RBFOX2: variants seen among roughly 807,000 people sequenced by gnomAD.
The protein encoded by RBFOX2 is RNA binding fox-1 homolog 2.
Under a neutral mutation model 49.1 loss-of-function variants are expected in RBFOX2, and 10 were observed. The observed-to-expected ratio is 0.20, with a 90% CI of 0.13 to 0.35. The LOEUF is 0.35. Ranked by LOEUF, RBFOX2 falls within the 10% of genes least tolerant of loss-of-function variation. RBFOX2 has a pLI of 1.00. For missense variants in RBFOX2, 323 were observed against 486.9 expected (o/e 0.66, Z 3.17); for synonymous variants, 183 against 187.4 (o/e 0.98, Z 0.19).
At chr22:35,987,765 G>T (rs1387110216) in intron 1 of RBFOX2, among the ~76,000 whole-genome samples, 1 of 152,132 alleles carries the variant, frequency 6.6e-6, no homozygotes, top group East Asian at 1.9e-4. Context: ...GGATCTAAGG[G>T]TTCATAAGGC....
At chr22:35,801,278 ATTGTTT>A (rs1329623177) in intron 2 of RBFOX2, among the ~76,000 whole-genome samples, 2 of 152,188 alleles carry the variant, frequency 1.3e-5, no homozygotes, top group Non-Finnish European at 2.9e-5. Flanking sequence ...TTACTAGACC[ATTGTTT>A]TTAATTGATG....
chr22:35,942,405 C>T (rs926283981), upstream of RBFOX2, among the ~76,000 whole-genome samples: 3 of 152,034 alleles, frequency 2.0e-5, no homozygotes, highest in Admixed American at 2.0e-4. Flanking sequence ...AACTTCACAT[C>T]TCTATCTAGA....
chr22:35,747,255 C>T (rs992244554), intron 9 of RBFOX2: 18 of 152,240 alleles, frequency 1.2e-4, no homozygotes, highest in African/African-American at 4.3e-4. Context: ...AGTTTGCCAA[C>T]TCAGATCTAC....
chr22:35,816,560 G>T (rs1303471491), intron 1 of RBFOX2, among the ~76,000 whole-genome samples: 1 of 152,166 alleles, frequency 6.6e-6, no homozygotes, highest in African/African-American at 2.4e-5. Flanking sequence ...ATGTGATGTT[G>T]AGAGGAAAAA....
At chr22:36,006,347 T>C (rs568921380) in intron 1 of RBFOX2, among the ~76,000 whole-genome samples, 3 of 152,284 alleles carry the variant, frequency 2.0e-5, no homozygotes, top group South Asian at 2.1e-4. Context: ...TGGTTCCAAA[T>C]AGAGGGAAAG....
intron 9 of RBFOX2, among the ~76,000 whole-genome samples, chr22:35,751,803 A>G (rs941068020): frequency 1.1e-4 from 17 of 152,324 alleles, no homozygotes; most frequent in African/African-American, 3.4e-4. Context: ...AATTGCTATG[A>G]TCAACCTGAT....
intron 1 of RBFOX2, among the ~76,000 whole-genome samples, chr22:35,984,634 T>C (rs947700502): frequency 3.9e-5 from 6 of 152,122 alleles, no homozygotes; most frequent in African/African-American, 1.4e-4. Flanking sequence ...CACATTTAGT[T>C]TCTCAATTTT....
At chr22:35,974,470 C>G (rs192045774) in intron 1 of RBFOX2, among the ~76,000 whole-genome samples, 1 of 152,198 alleles carries the variant, frequency 6.6e-6, no homozygotes, top group East Asian at 1.9e-4. Flanking sequence ...GGGCAGATCA[C>G]GAGGTCAGGA....
chr22:35,910,696 C>G (rs1162618016), intron 1 of RBFOX2, among the ~76,000 whole-genome samples: 1 of 152,176 alleles, frequency 6.6e-6, no homozygotes. Context: ...GTAATGCCAA[C>G]TTATGTGTCT....
Position 35,814,235 on chromosome 22 carries a change from C to T in RBFOX2, c.28-4231G>A, listed in dbSNP as rs182200999. On this transcript the variant is annotated intron_variant, in intron 1 of 11. Coordinates refer to ENST00000405409, the Ensembl canonical transcript of RBFOX2. ...TTGGTTCCAGGAACCTCCCAGCCCC[C>T]GCCCACCACAGATGCCAAAATCCTT... 2.0e-5 allele frequency among the ~76,000 whole-genome samples: 3 copies of T among 152,170 alleles called. No homozygotes were observed. The East Asian group carries it at 5.8e-4, about 29-fold the overall frequency.
chr22:36,012,081 GA>G (rs893524256), intron 1 of RBFOX2, among the ~76,000 whole-genome samples: 12 of 152,130 alleles, frequency 7.9e-5, no homozygotes, highest in Admixed American at 2.0e-4. Context: ...ACTTTGAGAT[GA>G]AAAAAAGCCA....
At chr22:35,852,165 T>C (rs889141388) in intron 1 of RBFOX2, among the ~76,000 whole-genome samples, 2 of 152,198 alleles carry the variant, frequency 1.3e-5, no homozygotes, top group South Asian at 4.1e-4. Context: ...TTGGAAATTA[T>C]AATTTAGAGA....
intron 1 of RBFOX2, among the ~76,000 whole-genome samples, chr22:35,905,156 G>T (rs1257293427): frequency 6.6e-6 from 1 of 151,816 alleles, no homozygotes; most frequent in East Asian, 1.9e-4. Context: ...CTGGCTAATT[G>T]TCCACCAAAA....
At chr22:35,913,121 A>C (rs989315180) in intron 1 of RBFOX2, among the ~76,000 whole-genome samples, 1 of 248 alleles carries the variant, frequency 4.0e-3, no homozygotes, top group Admixed American at 0.038. Flanking sequence ...TTTTAATTGG[A>C]AGTAACCAAA....
intron 1 of RBFOX2, among the ~76,000 whole-genome samples, chr22:35,957,085 G>A (rs1027091327): frequency 5.9e-5 from 9 of 152,074 alleles, no homozygotes; most frequent in African/African-American, 2.2e-4. Context: ...GAGGTATGGG[G>A]GAAAGTACAG....
At chr22:35,881,537 G>T (rs913335747) in intron 1 of RBFOX2, among the ~76,000 whole-genome samples, 6 of 150,596 alleles carry the variant, frequency 4.0e-5, no homozygotes, top group African/African-American at 1.5e-4. Context: ...AGCTGTGATC[G>T]CACCACTGCA....
intron 1 of RBFOX2, among the ~76,000 whole-genome samples, chr22:35,828,760 C>G (rs1956243920): frequency 6.6e-6 from 1 of 152,086 alleles, no homozygotes; most frequent in African/African-American, 2.4e-5. Flanking sequence ...GCTTAAAAAA[C>G]AAGACCTGAG....
chr22:35,762,399 T>C (rs1024067549), intron 6 of RBFOX2, among the ~76,000 whole-genome samples: 4 of 152,066 alleles, frequency 2.6e-5, no homozygotes, highest in Non-Finnish European at 4.4e-5. Flanking sequence ...CTCTATATTA[T>C]ATATTTTCTG....
chr22:35,825,221 T>C (rs537695519), intron 1 of RBFOX2, among the ~76,000 whole-genome samples: 6 of 152,226 alleles, frequency 3.9e-5, no homozygotes, highest in Non-Finnish European at 7.4e-5. Context: ...AGATAAAATT[T>C]TGGGAAGCCA....
Sources: allele counts gnomAD v4.1 joint callset (sites outside exome capture counted in the v4.1 genomes callset), GRCh38; gene constraint gnomAD v4.1.1; transcripts MANE v1.5; gene names NCBI Gene and HGNC (gene_info 2026-07-23, HGNC 2026-07-21).